The following PLB1 variants were observed in gnomAD, a reference collection of about 807,000 sequenced individuals.
The protein encoded by PLB1 is phospholipase B1.
PLB1 carries 242 observed loss-of-function variants against 227.4 expected under a neutral mutation model. The observed-to-expected ratio is 1.06, with a 90% CI of 0.96 to 1.18. The LOEUF (loss-of-function observed/expected upper bound fraction) is 1.18. PLB1 is among the 50% of genes most tolerant of loss of function. The pLI is 0.00. For missense variants in PLB1, 1,858 were observed against 1,816.3 expected (o/e 1.02, Z -0.42); for synonymous variants, 757 against 682.2 (o/e 1.11, Z -1.71).
chr2:28,571,263 G>A (rs943720756), intron 20 of PLB1, among the ~76,000 whole-genome samples: 2 of 151,952 alleles, frequency 1.3e-5, no homozygotes, highest in Non-Finnish European at 2.9e-5. Flanking sequence ...AACCAAAAAA[G>A]GGCATCGCTT....
chr2:28,565,231 G>A (rs1283651449), intron 18 of PLB1, 49 bp from the exon 19 acceptor site: 2 of 1,526,768 alleles, frequency 1.3e-6, no homozygotes, highest in Non-Finnish European at 1.8e-6. Context: ...GGCAGAGGTG[G>A]GCCACTGGGG....
chr2:28,625,238 A>T, intron 50 of PLB1, 130 bp downstream of exon 50: 1 of 852,406 alleles, frequency 1.2e-6, no homozygotes, highest in Middle Eastern at 2.6e-4. Context: ...TCCTCGGAGA[A>T]GCAGTCCTTA....
intron 13 of PLB1, among the ~76,000 whole-genome samples, chr2:28,542,517 G>T (rs1672653300): frequency 1.3e-5 from 2 of 152,078 alleles, no homozygotes; most frequent in Admixed American, 6.5e-5. Flanking sequence ...ATACTTGGGG[G>T]GATGTAGAGT....
intron 49 of PLB1, among the ~76,000 whole-genome samples, chr2:28,624,028 G>A (rs1426107972): frequency 6.6e-6 from 1 of 152,140 alleles, no homozygotes; most frequent in African/African-American, 2.4e-5. Flanking sequence ...GCTCAGAGGG[G>A]TTGAGGCTGC....
chr2:28,582,292 G>T (rs574058868), intron 24 of PLB1, 113 bp from the exon 25 acceptor site: 6 of 1,180,770 alleles, frequency 5.1e-6, no homozygotes, highest in South Asian at 1.3e-5. Flanking sequence ...GAAGTGGATG[G>T]GGGCAGATGG....
chr2:28,515,975 G>A (rs747427380), intron 1 of PLB1, among the ~76,000 whole-genome samples: 1 of 152,166 alleles, frequency 6.6e-6, no homozygotes, highest in Non-Finnish European at 1.5e-5. Flanking sequence ...AATAAAACAT[G>A]TGCCTGACTA....
intron 14 of PLB1, among the ~76,000 whole-genome samples, chr2:28,544,629 T>C (rs891048876): frequency 4.6e-5 from 7 of 152,150 alleles, no homozygotes; most frequent in African/African-American, 1.4e-4. Flanking sequence ...CAAAAGGGAC[T>C]CAGCCAGCAG....
At chr2:28,547,202 CAA>C (rs531346408) in intron 14 of PLB1, among the ~76,000 whole-genome samples, 5 of 99,908 alleles carry the variant, frequency 5.0e-5, no homozygotes, top group African/African-American at 3.7e-5. Context: ...ACCCTGTCTC[CAA>C]AAAAAAAAAA....
At position 28,589,510 on chromosome 2, in the gene PLB1, G is replaced by C; in HGVS notation, c.1876G>C (p.Val626Leu). 6.2e-7 allele frequency: 1 copy of C among 1,614,214 alleles called. No individual in the cohort carries two copies. The highest frequency in any genetic ancestry group is 8.5e-7 in the Non-Finnish European group (1 of 1,180,042). ...TGACACAAGGGAAGATTTTACTGTG[G>C]TTGTGCAGCCGTTCTTTGAAAACGT... ...RYDTREDFTV[V>L]VQPFFENVDM... The change falls in exon 27 of 58, where the codon GTT (valine) becomes CTT (leucine). Residue 626 changes from valine (V) to leucine (L), a missense_variant. Val to Leu is a conservative substitution (Grantham distance 32). Coordinates refer to ENST00000327757, the MANE Select transcript of PLB1 (RefSeq NM_153021.5).
intron 18 of PLB1, among the ~76,000 whole-genome samples, chr2:28,563,864 T>G (rs1676430534): frequency 6.6e-6 from 1 of 152,192 alleles, no homozygotes; most frequent in Non-Finnish European, 1.5e-5. Flanking sequence ...CTCTCATGTC[T>G]ATGGTCTATC....
intron 9 of PLB1, among the ~76,000 whole-genome samples, chr2:28,534,319 A>G (rs1299571926): frequency 6.6e-6 from 1 of 152,218 alleles, no homozygotes; most frequent in Non-Finnish European, 1.5e-5. Flanking sequence ...TATGTGGAAG[A>G]GTTTTCCTAG....
intron 43 of PLB1, among the ~76,000 whole-genome samples, chr2:28,610,686 C>T (rs1033701436): frequency 8.5e-5 from 13 of 152,058 alleles, no homozygotes; most frequent in African/African-American, 2.4e-4. Context: ...GCACAACCAG[C>T]GAAGAAAATC....
intron 20 of PLB1, 66 bp downstream of exon 20, chr2:28,566,905 T>A: frequency 6.3e-7 from 1 of 1,583,088 alleles, no homozygotes; most frequent in Non-Finnish European, 8.7e-7. Context: ...CCGCTCCCCC[T>A]GCAGGTGGCG....
At chr2:28,590,174 A>G in intron 29 of PLB1, 98 bp downstream of exon 29, 2 of 1,050,450 alleles carry the variant, frequency 1.9e-6, no homozygotes, top group East Asian at 2.4e-5. Flanking sequence ...CTGCCTGCCC[A>G]CCCACCCCAT....
intron 43 of PLB1, among the ~76,000 whole-genome samples, chr2:28,610,502 C>T (rs930995792): frequency 2.6e-5 from 4 of 152,100 alleles, no homozygotes; most frequent in South Asian, 2.1e-4. Flanking sequence ...TAGGACATCC[C>T]GTGAAATACC....
chr2:28,535,382 AC>A (rs1452924883), intron 9 of PLB1, among the ~76,000 whole-genome samples: 4 of 152,078 alleles, frequency 2.6e-5, no homozygotes, highest in Middle Eastern at 6.8e-3. Context: ...ACTTCCACTT[AC>A]CCCAGAGGCC....
intron 3 of PLB1, among the ~76,000 whole-genome samples, chr2:28,519,477 C>T (rs1453202020): frequency 3.3e-5 from 5 of 152,156 alleles, no homozygotes; most frequent in African/African-American, 1.2e-4. Context: ...AGCTCAAGTC[C>T]AGTTAACAGT....
intron 12 of PLB1, 80 bp downstream of exon 12, chr2:28,540,521 A>G (rs1246749181): frequency 3.4e-6 from 4 of 1,173,808 alleles, no homozygotes; most frequent in Non-Finnish European, 5.0e-6. Flanking sequence ...GATAGGGACA[A>G]TTAGTTGAGT....
chr2:28,562,639 A>T (rs772910215), intron 17 of PLB1, among the ~76,000 whole-genome samples: 2 of 151,834 alleles, frequency 1.3e-5, no homozygotes, highest in Non-Finnish European at 2.9e-5. Flanking sequence ...ATTTTATCCC[A>T]AATATCAGAT....
Sources: allele counts gnomAD v4.1 joint callset (sites outside exome capture counted in the v4.1 genomes callset), GRCh38; gene constraint gnomAD v4.1.1; transcripts MANE v1.5; gene names NCBI Gene and HGNC (gene_info 2026-07-23, HGNC 2026-07-21).